The following EPB41L1 variants were observed in gnomAD, a reference collection of about 807,000 sequenced individuals.
EPB41L1 encodes the protein band 4.1-like protein 1.
EPB41L1 carries 29 observed loss-of-function variants against 97.8 expected under a neutral mutation model. That is an observed-to-expected ratio of 0.30 (90% CI 0.22 to 0.40). The LOEUF (loss-of-function observed/expected upper bound fraction) is 0.40. Among genes scored for constraint, EPB41L1 ranks in the 10% least tolerant of loss-of-function variants. The pLI is 1.00. For synonymous variants in EPB41L1, 383 were observed against 459.2 expected (o/e 0.83, Z 2.12); for missense variants, 812 against 1,162.3 (o/e 0.70, Z 4.38).
At chr20:36,120,482 C>T (rs185094682) in intron 2 of EPB41L1, among the ~76,000 whole-genome samples, 13 of 152,330 alleles carry the variant, frequency 8.5e-5, no homozygotes, top group East Asian at 1.9e-4. Context: ...TTCCATGTGA[C>T]GGGCAATCTG....
chr20:36,114,155 C>G (rs1206947349), intron 2 of EPB41L1, among the ~76,000 whole-genome samples: 1 of 152,194 alleles, frequency 6.6e-6, no homozygotes, highest in African/African-American at 2.4e-5. Flanking sequence ...TGCAGATGAA[C>G]ACATCCGCCC....
At chr20:36,131,401 C>T (rs1324230805) in intron 2 of EPB41L1, among the ~76,000 whole-genome samples, 5 of 152,312 alleles carry the variant, frequency 3.3e-5, no homozygotes, top group Admixed American at 6.5e-5. Context: ...TGAGCCACCA[C>T]ACCCAGCCTG....
chr20:36,156,313 C>T (rs2060297854), intron 1 of EPB41L1, among the ~76,000 whole-genome samples: 1 of 152,222 alleles, frequency 6.6e-6, no homozygotes, highest in African/African-American at 2.4e-5. Flanking sequence ...GGGCATTGTT[C>T]CTATTAAAGC....
chr20:36,224,577 C>T (rs1601110222), intron 21 of EPB41L1, among the ~76,000 whole-genome samples: 3 of 152,218 alleles, frequency 2.0e-5, no homozygotes, highest in East Asian at 3.9e-4. Flanking sequence ...ACCTAGGAGG[C>T]GGAGGTTGCA....
At chr20:36,192,573 G>A (rs370874759) in intron 11 of EPB41L1, among the ~76,000 whole-genome samples, 3 of 151,342 alleles carry the variant, frequency 2.0e-5, no homozygotes, top group South Asian at 4.2e-4. Flanking sequence ...GTGGGGACTT[G>A]GGTAGGGAAA....
chr20:36,214,326 C>T (rs974321911), intron 16 of EPB41L1, 31 bp from the exon 17 acceptor site: 2 of 1,593,348 alleles, frequency 1.3e-6, no homozygotes, highest in African/African-American at 2.7e-5. Flanking sequence ...ACCCAGCTCT[C>T]CCCAGCTCTA....
At chr20:36,151,113 C>T (rs1367065561), upstream of EPB41L1, 3 of 152,328 alleles carry the variant, frequency 2.0e-5, no homozygotes, top group Non-Finnish European at 4.4e-5. Context: ...ATCTCTGCCC[C>T]GCAGTGACCT....
Position 36,211,267 on chromosome 20 carries a change from A to C in EPB41L1, c.2080-1005A>C, listed in dbSNP as rs188033935. 2.1e-3 allele frequency among the ~76,000 whole-genome samples: 322 copies of C among 152,082 alleles called. 6 individuals carry two copies. The South Asian group carries it at 0.042, about 20-fold the overall frequency. On this transcript the variant is annotated intron_variant, in intron 15 of 21. Transcript: ENST00000338074. Reference sequence around the variant, plus strand: ...CTGGGCGTGGTGGCACCCACCTGTAATCCCAACTACTCGGGAGGCAGGAGA... The same window carrying C: ...CTGGGCGTGGTGGCACCCACCTGTACTCCCAACTACTCGGGAGGCAGGAGA...
Position 36,187,751 on chromosome 20 carries a change from G to A in EPB41L1, c.861G>A (p.Leu287=). The change falls in exon 8 of 22, where the codon CTG becomes CTA. Residue 287 remains leucine, a synonymous_variant. Coordinates refer to ENST00000338074, the MANE Select transcript of EPB41L1 (RefSeq NM_012156.2). ...AKKLSMYGVD[L]HHAKDSEGID... ...AGCTTTCCATGTACGGAGTAGACCT[G>A]CACCATGCCAAGGTACCACCAGCTT... is the stretch of plus-strand genomic sequence containing the variant. 1 of 1,613,822 alleles carries A rather than the reference G, an allele frequency of 6.2e-7. No individual in the cohort carries two copies. The highest frequency in any genetic ancestry group is 2.2e-5 in the East Asian group (1 of 44,868).
intron 17 of EPB41L1, among the ~76,000 whole-genome samples, chr20:36,217,675 G>A (rs1042554660): frequency 4.6e-5 from 7 of 152,174 alleles, no homozygotes; most frequent in Non-Finnish European, 7.3e-5. Flanking sequence ...CATTGAGCCC[G>A]GAAGCTGCCC....
chr20:36,100,993 AG>A (rs1385794869), intron 1 of EPB41L1, among the ~76,000 whole-genome samples: 1 of 152,152 alleles, frequency 6.6e-6, no homozygotes, highest in Non-Finnish European at 1.5e-5. Context: ...GCCCATCTGA[AG>A]GTACTTGCCT....
At chr20:36,120,726 A>T (rs1337776763) in intron 2 of EPB41L1, among the ~76,000 whole-genome samples, 1 of 152,136 alleles carries the variant, frequency 6.6e-6, no homozygotes, top group African/African-American at 2.4e-5. Context: ...TAAAAACTCC[A>T]ATTTTATTGG....
At chr20:36,205,704 C>A in intron 14 of EPB41L1, 1 of 777,844 alleles carries the variant, frequency 1.3e-6, no homozygotes, top group Non-Finnish European at 1.8e-6. Flanking sequence ...ATGCCTTCCT[C>A]TCCCCAGCCA....
intron 1 of EPB41L1, among the ~76,000 whole-genome samples, chr20:36,107,977 A>G (rs1297143537): frequency 2.0e-5 from 3 of 152,006 alleles, no homozygotes; most frequent in Non-Finnish European, 2.9e-5. Context: ...AGTCTTTTTA[A>G]TTTTAGTTTT....
chr20:36,124,582 CCTT>C (rs1356809925), intron 2 of EPB41L1, among the ~76,000 whole-genome samples: 7 of 152,200 alleles, frequency 4.6e-5, no homozygotes, highest in Non-Finnish European at 1.0e-4. Flanking sequence ...CGCCTTGGCT[CCTT>C]CTTATCCTCT....
At chr20:36,108,495 G>A (rs2058275487) in intron 1 of EPB41L1, among the ~76,000 whole-genome samples, 1 of 122 alleles carries the variant, frequency 8.2e-3, no homozygotes, top group African/African-American at 0.042. Context: ...GGCAACATGG[G>A]GAAACCTGTC....
chr20:36,127,655 T>G (rs549839436), intron 2 of EPB41L1, among the ~76,000 whole-genome samples: 151 of 152,264 alleles, frequency 9.9e-4, no homozygotes, highest in Middle Eastern at 3.4e-3. Context: ...GGCAGGTCTC[T>G]TCTCCCTGGG....
At chr20:36,215,368 A>G (rs1214656095) in intron 17 of EPB41L1, among the ~76,000 whole-genome samples, 1 of 152,128 alleles carries the variant, frequency 6.6e-6, no homozygotes, top group African/African-American at 2.4e-5. Context: ...CATCAGCCGC[A>G]TGGGGCTGGG....
chr20:36,217,174 G>A (rs779864962), intron 17 of EPB41L1, among the ~76,000 whole-genome samples: 4 of 152,184 alleles, frequency 2.6e-5, no homozygotes, highest in African/African-American at 4.8e-5. Flanking sequence ...AATTCCTTTC[G>A]AGATCGGATG....
Sources: gnomAD v4.1 joint callset for allele counts (sites outside exome capture counted in the v4.1 genomes callset) on GRCh38, gnomAD v4.1.1 for gene constraint, MANE v1.5 for transcripts, NCBI Gene and HGNC (gene_info 2026-07-23, HGNC 2026-07-21) for gene names.